The following VPS53 variants were observed in gnomAD, a reference collection of about 807,000 sequenced individuals.
The protein encoded by VPS53 is VPS53 subunit of GARP complex, also known as vacuolar protein sorting-associated protein 53 homolog.
Under a neutral mutation model 107.0 loss-of-function variants are expected in VPS53, and 70 were observed. The ratio of observed to expected loss-of-function variants is 0.65; its 90% CI spans 0.54 to 0.80. The LOEUF is 0.80. VPS53 is among the 30% of genes least tolerant of loss of function. The probability of loss-of-function intolerance (pLI) is 0.00; values close to 1 mark genes in which losing one functional copy is unlikely to be tolerated. For missense variants in VPS53, 917 were observed against 1,049.4 expected, an observed-to-expected ratio of 0.87 and a Z score of 1.74; for synonymous variants, 409 against 393.3, an observed-to-expected ratio of 1.04 and a Z score of -0.47.
At chr17:655,609 G>A (rs977851136) in intron 6 of VPS53, among the ~76,000 whole-genome samples, 6 of 152,168 alleles carry the variant, frequency 3.9e-5, no homozygotes, top group East Asian at 1.9e-4. Context: ...TCTTGGAGTC[G>A]TCCTGAAAGG....
rs2151814431 is a variant in VPS53 at position 537,216 on chromosome 17, G to A, written c.1867-40C>T. ...GGATGAGGCGTTGAATCCCTCGCAG[G>A]AGAACGGTGTCGCCTGTTACTGGGG... On this transcript the variant is annotated intron_variant, in intron 17 of 21. Coordinates refer to ENST00000437048, the MANE Select transcript of VPS53 (RefSeq NM_001128159.3). The A allele has an allele frequency of 5.6e-6, 9 of 1,608,296 alleles. No homozygotes were observed. The East Asian group carries it at 2.0e-4, about 36-fold the overall frequency.
intron 2 of VPS53, among the ~76,000 whole-genome samples, chr17:702,526 C>A (rs892975993): frequency 6.6e-6 from 1 of 151,918 alleles, no homozygotes; most frequent in African/African-American, 2.4e-5. Context: ...ATTAGCCGGG[C>A]GTGGTGGCAG....
intron 15 of VPS53, among the ~76,000 whole-genome samples, chr17:557,132 C>G (rs1048534984): frequency 6.6e-6 from 1 of 152,206 alleles, no homozygotes; most frequent in African/African-American, 2.4e-5. Context: ...GGATTATAGG[C>G]ATGAGCCACC....
At position 627,156 on chromosome 17, in the gene VPS53, T is replaced by C. The variant is rs1430007795; in HGVS notation, c.974+18A>G. Reference sequence around the variant, plus strand: ...AAAATTTGATTAACCACAGAACCAGTAGAGAACTGGCATCTACCTTGTCAC... The same window carrying C: ...AAAATTTGATTAACCACAGAACCAGCAGAGAACTGGCATCTACCTTGTCAC... On this transcript the variant is annotated intron_variant, in intron 10 of 21. Coordinates refer to ENST00000437048, the MANE Select transcript of VPS53 (RefSeq NM_001128159.3). 6 of 1,609,378 alleles carry C rather than the reference T, an allele frequency of 3.7e-6. No homozygotes were observed. Among genetic ancestry groups the C allele is most frequent in the Non-Finnish European group, 5.1e-6 (6 of 1,177,786 alleles).
intron 15 of VPS53, among the ~76,000 whole-genome samples, chr17:559,500 T>C (rs1597299288): frequency 6.6e-6 from 1 of 152,120 alleles, no homozygotes; most frequent in African/African-American, 2.4e-5. Context: ...CCCTGGAAGG[T>C]CATGACCTTC....
intron 6 of VPS53, 39 bp downstream of exon 6, chr17:655,799 T>A (rs1308112981): frequency 6.4e-7 from 1 of 1,570,552 alleles, no homozygotes; most frequent in Non-Finnish European, 8.7e-7. Flanking sequence ...ATGCGATACA[T>A]TTCCCGTGGC....
chr17:610,951 A>G (rs1305691393), intron 11 of VPS53, among the ~76,000 whole-genome samples: 2 of 151,992 alleles, frequency 1.3e-5, no homozygotes, highest in Non-Finnish European at 2.9e-5. Context: ...AAAAAAAAAA[A>G]AAAGTTATAG....
At position 519,352 on chromosome 17, in the gene VPS53, C is replaced by A. The variant is rs1430404096; in HGVS notation, c.2329-54G>T. 1 of 1,423,852 alleles carries A rather than the reference C, an allele frequency of 7.0e-7. No individual in the cohort carries two copies. Among genetic ancestry groups the A allele is most frequent in the Admixed American group, 3.0e-5 (1 of 33,128 alleles). The allele number at this position is 1,423,852 out of a possible 1,614,324, so 88.2% of individuals were successfully genotyped here. ...ACGAAGTCTGGGCCAGAATGGCCCACGGGGGACAGCGCAGTATCTGGATAT... is the reference window on the plus strand; with the variant it reads ...ACGAAGTCTGGGCCAGAATGGCCCAAGGGGGACAGCGCAGTATCTGGATAT... On this transcript the variant is annotated intron_variant, in intron 21 of 21. Coordinates refer to ENST00000437048, the MANE Select transcript of VPS53 (RefSeq NM_001128159.3). This position sits in a 1 kb window ranked among gnomAD's most constrained non-coding sequence, Gnocchi z 5.0.
At chr17:557,428 C>T (rs1256943336) in intron 15 of VPS53, among the ~76,000 whole-genome samples, 1 of 152,252 alleles carries the variant, frequency 6.6e-6, no homozygotes, top group Non-Finnish European at 1.5e-5. Flanking sequence ...ATTTACATGT[C>T]CCAAGGCCTA....
intron 11 of VPS53, among the ~76,000 whole-genome samples, chr17:622,086 C>G (rs1330859400): frequency 1.3e-5 from 2 of 151,974 alleles, no homozygotes; most frequent in Admixed American, 1.3e-4. Flanking sequence ...GTGGTGTGCA[C>G]CTGTAATCCC....
intron 11 of VPS53, among the ~76,000 whole-genome samples, chr17:611,443 G>A (rs549160802): frequency 2.0e-4 from 31 of 152,324 alleles, no homozygotes; most frequent in South Asian, 4.1e-4. Context: ...GGAGACACGC[G>A]TCAGCAAGGA....
At chr17:669,823 C>T (rs1313448767) in intron 4 of VPS53, among the ~76,000 whole-genome samples, 6 of 150,214 alleles carry the variant, frequency 4.0e-5, no homozygotes, top group Non-Finnish European at 7.4e-5. Flanking sequence ...ACCAGGGAGT[C>T]GGAGGTTGCA....
At chr17:589,625 G>C (rs191847999) in intron 12 of VPS53, among the ~76,000 whole-genome samples, 2 of 152,260 alleles carry the variant, frequency 1.3e-5, no homozygotes, top group African/African-American at 4.8e-5. Flanking sequence ...AAGAAAAAAA[G>C]TAAAGGATAA....
intron 12 of VPS53, among the ~76,000 whole-genome samples, chr17:599,341 C>T (rs1219621427): frequency 6.6e-6 from 1 of 152,166 alleles, no homozygotes; most frequent in African/African-American, 2.4e-5. Context: ...ATTGAGAAAT[C>T]GGATGGTTGC....
chr17:688,251 T>C (rs1972661179), intron 4 of VPS53, among the ~76,000 whole-genome samples: 1 of 152,144 alleles, frequency 6.6e-6, no homozygotes, highest in Admixed American at 6.6e-5. Context: ...CACGTGATAG[T>C]AAGTTCTCAC....
chr17:690,212 C>T (rs1015843687), intron 4 of VPS53, among the ~76,000 whole-genome samples: 2 of 152,272 alleles, frequency 1.3e-5, no homozygotes, highest in South Asian at 2.1e-4. Context: ...GATAAACAAT[C>T]GAGCAGAACT....
chr17:586,274 C>G lies in VPS53; in HGVS notation c.1309G>C (p.Asp437His). The change falls in exon 13 of 22, where the codon GAC becomes CAC. Residue 437 changes from aspartate to histidine, a missense_variant. Coordinates refer to ENST00000437048, the MANE Select transcript of VPS53 (RefSeq NM_001128159.3). ...PHLYVYIESQ[D>H]KNLGELIDRF... Reference sequence around the variant, plus strand: ...CAGCGAATGTTCCTCACTCACTTGTCTTGGGATTCGATATACACGTAGAGA... The same window carrying G: ...CAGCGAATGTTCCTCACTCACTTGTGTTGGGATTCGATATACACGTAGAGA... The G allele has an allele frequency of 6.2e-7, 1 of 1,613,840 alleles. No homozygotes were observed. The highest frequency in any genetic ancestry group is 8.5e-7 in the Non-Finnish European group (1 of 1,179,786).
intron 15 of VPS53, among the ~76,000 whole-genome samples, chr17:556,922 T>TCGCCAGGAG (rs1912460120): frequency 7.0e-6 from 1 of 143,128 alleles, no homozygotes; most frequent in African/African-American, 2.6e-5. Context: ...TGAAGGGGGG[T>TCGCCAGGAG]GGCCAGGAGG....
Position 510,328 on chromosome 17 carries a change from T to C in VPS53, c.*8800A>G, listed in dbSNP as rs12946997. 9.6e-3 allele frequency: 239 copies of C among 25,016 alleles called. 2 individuals carry two copies. The highest frequency in any genetic ancestry group is 0.044 in the East Asian group (13 of 294). The allele number at this position is 25,016 out of a possible 1,614,324, so 1.5% of individuals were successfully genotyped here. On this transcript the variant is annotated 3_prime_UTR_variant, in exon 22 of 22. Transcript: ENST00000437048. ...CCCCTCACTAGTCACATATCAAATC[T>C]TGGCTGACCCCTTACTAGTCACATA...
Sources: allele counts gnomAD v4.1 joint callset (sites outside exome capture counted in the v4.1 genomes callset), GRCh38; gene constraint gnomAD v4.1.1; non-coding constraint Gnocchi (gnomAD v3.1); transcripts MANE v1.5; gene names NCBI Gene and HGNC (gene_info 2026-07-23, HGNC 2026-07-21).